MAD1L1: variants seen among roughly 807,000 people sequenced by gnomAD.
MAD1L1 encodes the protein mitotic arrest deficient 1 like 1.
A neutral mutation model predicts 96.9 loss-of-function variants in MAD1L1; 95 were observed. That is an observed-to-expected ratio of 0.98 (90% CI 0.83 to 1.16). The LOEUF is 1.16. MAD1L1 is among the 50% of genes most tolerant of loss of function. MAD1L1 has a pLI of 0.00. For missense variants in MAD1L1, 1,007 were observed against 954.4 expected, an observed-to-expected ratio of 1.06 and a Z score of -0.73; for synonymous variants, 473 against 396.6, an observed-to-expected ratio of 1.19 and a Z score of -2.29.
chr7:2,110,820 G>A (rs562607580), intron 11 of MAD1L1, among the ~76,000 whole-genome samples: 3 of 152,138 alleles, frequency 2.0e-5, no homozygotes, highest in African/African-American at 4.8e-5. Flanking sequence ...CATAAGAAGC[G>A]CTTTCTGCAT....
intron 10 of MAD1L1, among the ~76,000 whole-genome samples, chr7:2,172,782 C>T (rs958678993): frequency 3.3e-5 from 5 of 152,218 alleles, no homozygotes; most frequent in African/African-American, 9.6e-5. Flanking sequence ...CCATCCCAGC[C>T]CTGCTGGCTG....
intron 13 of MAD1L1, among the ~76,000 whole-genome samples, chr7:2,009,692 C>A (rs1157802398): frequency 6.6e-6 from 1 of 152,222 alleles, no homozygotes; most frequent in Non-Finnish European, 1.5e-5. Context: ...GGCTCCACTG[C>A]AGCCCCTGAT....
At chr7:2,081,682 T>C (rs561063018) in intron 11 of MAD1L1, among the ~76,000 whole-genome samples, 3 of 152,248 alleles carry the variant, frequency 2.0e-5, no homozygotes, top group Non-Finnish European at 4.4e-5. Context: ...CCGCCGTCAC[T>C]GTTCCAGCCC....
intron 11 of MAD1L1, among the ~76,000 whole-genome samples, chr7:2,141,190 G>A (rs747666623): frequency 1.3e-5 from 2 of 152,232 alleles, no homozygotes; most frequent in African/African-American, 2.4e-5. Flanking sequence ...CCCACCTAGA[G>A]CAGGGCCAGC....
intron 14 of MAD1L1, among the ~76,000 whole-genome samples, chr7:1,986,364 GCTTGGAACCACACGCCA>G (rs1781142236): frequency 6.6e-6 from 1 of 151,896 alleles, no homozygotes; most frequent in African/African-American, 2.4e-5. Flanking sequence ...CGCCAGTCCA[GCTTGGAACCACACGCCA>G]GTCCAGGGAC....
chr7:2,063,322 C>G (rs1230266428), intron 12 of MAD1L1, among the ~76,000 whole-genome samples: 3 of 152,248 alleles, frequency 2.0e-5, no homozygotes, highest in Non-Finnish European at 4.4e-5. Context: ...TCCGCGTCCT[C>G]ACTCCAGGCT....
At chr7:1,858,233 C>A (rs1784353864) in intron 18 of MAD1L1, among the ~76,000 whole-genome samples, 1 of 152,238 alleles carries the variant, frequency 6.6e-6, no homozygotes, top group Admixed American at 6.5e-5. Flanking sequence ...CAGGCAGAGT[C>A]CCCTGCTCGC....
At chr7:2,205,039 C>A (rs1346959752) in intron 10 of MAD1L1, among the ~76,000 whole-genome samples, 1 of 145,946 alleles carries the variant, frequency 6.9e-6, no homozygotes, top group Admixed American at 6.9e-5. Flanking sequence ...CGAGAGAAAT[C>A]TACATTACTG....
intron 11 of MAD1L1, among the ~76,000 whole-genome samples, chr7:2,127,776 C>T (rs1176435931): frequency 6.6e-6 from 1 of 152,144 alleles, no homozygotes; most frequent in Non-Finnish European, 1.5e-5. Flanking sequence ...GCAGCCGGCA[C>T]TGTGGGCGTC....
intron 18 of MAD1L1, chr7:1,872,736 C>G (rs190442559): frequency 6.6e-6 from 1 of 152,212 alleles, no homozygotes; most frequent in African/African-American, 2.4e-5. Context: ...GGGCCAGACA[C>G]GGGTGATATG....
At chr7:2,137,696 C>T (rs935454340) in intron 11 of MAD1L1, among the ~76,000 whole-genome samples, 1 of 152,278 alleles carries the variant, frequency 6.6e-6, no homozygotes, top group East Asian at 1.9e-4. Flanking sequence ...CCCATGGTCC[C>T]GGGTCACCTC....
intron 18 of MAD1L1, among the ~76,000 whole-genome samples, chr7:1,860,243 T>A (rs541975714): frequency 1.4e-5 from 2 of 138,124 alleles, no homozygotes; most frequent in African/African-American, 5.6e-5. Flanking sequence ...CATGACATCC[T>A]GCGGGGCGGC....
In MAD1L1 at chr7:2,215,972, G is replaced by C; in HGVS notation, c.837C>G (p.Leu279=). 2 of 1,614,110 alleles carry C rather than the reference G, an allele frequency of 1.2e-6. No homozygotes were observed. Among genetic ancestry groups the C allele is most frequent in the Non-Finnish European group, 1.7e-6 (2 of 1,180,032 alleles). Residue 279 remains leucine (L), a synonymous_variant, in exon 9 of 19, where the codon CTC becomes CTG. Transcript: ENST00000265854. ...LREMRETNGL[L]QEELEGLQRK... ...TCTGCAGCCCTTCCAGCTCTTCCTG[G>C]AGCAGCCCGTTGGTCTCTCTCATCT...
chr7:1,985,452 C>T (rs1562584758), intron 14 of MAD1L1, among the ~76,000 whole-genome samples: 1 of 104,764 alleles, frequency 9.5e-6, no homozygotes, highest in Non-Finnish European at 2.2e-5. Context: ...GAGCGAGGGC[C>T]TCACAGTCAC....
chr7:2,219,242 T>C, intron 6 of MAD1L1, 90 bp downstream of exon 6: 1 of 1,227,912 alleles, frequency 8.1e-7, no homozygotes, highest in Non-Finnish European at 1.1e-6. Flanking sequence ...TGGGAGTGTA[T>C]CCACATCCCA....
chr7:2,190,840 C>T (rs1232579181), intron 10 of MAD1L1, among the ~76,000 whole-genome samples: 4 of 151,980 alleles, frequency 2.6e-5, no homozygotes, highest in Admixed American at 2.6e-4. Flanking sequence ...AATGAAAGAG[C>T]TCGGGATGTG....
Position 2,010,496 on chromosome 7 carries a change from T to C in MAD1L1, c.1359+4006A>G, listed in dbSNP as rs138839555. Among the ~76,000 whole-genome samples the C allele has an allele frequency of 3.7e-4, 57 of 152,082 alleles. No individual in the cohort carries two copies. In the East Asian group the frequency reaches 0.011, roughly 28 times the overall value. On this transcript the variant is annotated intron_variant, in intron 13 of 18. Transcript: ENST00000265854. ...GAATCAAGGTGGCGTGCACTGCGTA[T>C]TTATAGCTCTATCCACAGAGGACTC...
chr7:1,856,401 C>A (rs1055870962), intron 18 of MAD1L1, among the ~76,000 whole-genome samples: 2 of 152,240 alleles, frequency 1.3e-5, no homozygotes, highest in Admixed American at 6.5e-5. Flanking sequence ...TCTGTGGGGG[C>A]CCCCTGCCTC....
intron 10 of MAD1L1, among the ~76,000 whole-genome samples, chr7:2,155,028 T>C (rs1789756848): frequency 6.6e-6 from 1 of 152,172 alleles, no homozygotes; most frequent in South Asian, 2.1e-4. Flanking sequence ...AGGGGTGGAC[T>C]GTGAGCTCTC....
Sources: gnomAD v4.1 joint callset for allele counts (sites outside exome capture counted in the v4.1 genomes callset) on GRCh38, gnomAD v4.1.1 for gene constraint, MANE v1.5 for transcripts, NCBI Gene and HGNC (gene_info 2026-07-23, HGNC 2026-07-21) for gene names.